The following SLC8A1 variants were observed in gnomAD, a reference collection of about 807,000 sequenced individuals.
SLC8A1 encodes sodium/calcium exchanger 1.
In SLC8A1, 18 loss-of-function variants were observed where a neutral mutation model predicts 68.3. That is an observed-to-expected ratio of 0.26 (90% confidence interval 0.18 to 0.39). The LOEUF (loss-of-function observed/expected upper bound fraction) is 0.39, where lower values mean the gene tolerates loss of function less well. Ranked by LOEUF, SLC8A1 falls within the 10% of genes least tolerant of loss-of-function variation. The pLI is 1.00. For missense variants in SLC8A1, 985 were observed against 1,156.7 expected (o/e 0.85, Z 2.15); for synonymous variants, 475 against 415.5 (o/e 1.14, Z -1.74).
At chr2:40,466,942 AAATT>A (rs1703708718) in intron 1 of SLC8A1, among the ~76,000 whole-genome samples, 1 of 149,302 alleles carries the variant, frequency 6.7e-6, no homozygotes, top group Admixed American at 6.9e-5. Flanking sequence ...TGAGATTAGT[AAATT>A]AAATACCTTA....
At chr2:40,327,492 T>C (rs34512805) in intron 2 of SLC8A1, among the ~76,000 whole-genome samples, 1 of 152,200 alleles carries the variant, frequency 6.6e-6, no homozygotes, top group African/African-American at 2.4e-5. Flanking sequence ...GTTGTGAGCA[T>C]GTTCTTTCTG....
chr2:40,270,716 G>T (rs1261170117), intron 2 of SLC8A1, among the ~76,000 whole-genome samples: 1 of 152,242 alleles, frequency 6.6e-6, no homozygotes, highest in African/African-American at 2.4e-5. Flanking sequence ...CAAGTCAGGT[G>T]ACAGATACAC....
At chr2:40,273,585 G>A (rs919571711) in intron 2 of SLC8A1, among the ~76,000 whole-genome samples, 2 of 152,160 alleles carry the variant, frequency 1.3e-5, no homozygotes, top group Admixed American at 6.5e-5. Flanking sequence ...TACTTTATAG[G>A]ATGTCCAAGA....
At chr2:40,342,459 G>A (rs1166654787) in intron 2 of SLC8A1, among the ~76,000 whole-genome samples, 2 of 152,086 alleles carry the variant, frequency 1.3e-5, no homozygotes, top group Admixed American at 6.6e-5. Context: ...TTGTTAGATG[G>A]TAGAATATAT....
chr2:40,432,331 C>A (rs1489777022), intron 1 of SLC8A1, among the ~76,000 whole-genome samples: 1 of 150,412 alleles, frequency 6.6e-6, no homozygotes, highest in Non-Finnish European at 1.5e-5. Flanking sequence ...ATATAAATAT[C>A]AGAAGGTTAA....
intron 1 of SLC8A1, among the ~76,000 whole-genome samples, chr2:40,459,874 C>A (rs900688100): frequency 6.6e-6 from 1 of 152,208 alleles, no homozygotes; most frequent in Admixed American, 6.5e-5. Context: ...CACACACACA[C>A]TCTTCCACAA....
chr2:40,288,849 A>ATATATATATATATG (rs1553476848), intron 2 of SLC8A1, among the ~76,000 whole-genome samples: 1 of 138,760 alleles, frequency 7.2e-6, no homozygotes, highest in African/African-American at 2.9e-5. Flanking sequence ...ATATATATAT[A>ATATATATATATATG]TATGTATATA....
intron 2 of SLC8A1, among the ~76,000 whole-genome samples, chr2:40,256,416 C>T (rs887881054): frequency 1.3e-5 from 2 of 152,132 alleles, no homozygotes; most frequent in African/African-American, 4.8e-5. Flanking sequence ...TACATATACA[C>T]ATATATGCAT....
chr2:40,455,930 G>A (rs909033675), upstream of SLC8A1, among the ~76,000 whole-genome samples: 5 of 149,912 alleles, frequency 3.3e-5, no homozygotes, highest in Admixed American at 3.3e-4. Flanking sequence ...CATTACCGTG[G>A]GGTCAACCAC....
At chr2:40,350,475 TG>T (rs1417507474) in intron 2 of SLC8A1, among the ~76,000 whole-genome samples, 2 of 151,398 alleles carry the variant, frequency 1.3e-5, no homozygotes, top group East Asian at 3.9e-4. Context: ...AGTTAAACTC[TG>T]TCCCCCTAAA....
chr2:40,447,175 A>G (rs1701599521), intron 1 of SLC8A1, among the ~76,000 whole-genome samples: 1 of 152,234 alleles, frequency 6.6e-6, no homozygotes. Flanking sequence ...TTGGTATCAC[A>G]CTAGCATTTT....
intron 2 of SLC8A1, among the ~76,000 whole-genome samples, chr2:40,358,214 G>C (rs141669588): frequency 2.5e-3 from 386 of 151,560 alleles, no homozygotes; most frequent in African/African-American, 8.8e-3. Context: ...AGCTATTTAA[G>C]GTTTTTAGAT....
chr2:40,131,858 A>ATTTTTT (rs71404277), intron 7 of SLC8A1, among the ~76,000 whole-genome samples: 1 of 95,558 alleles, frequency 1.0e-5, no homozygotes, highest in Non-Finnish European at 2.0e-5. Context: ...TTGGTATTCT[A>ATTTTTT]TTTTTTTTTT....
At chr2:40,134,753 A>G (rs889428546) in intron 7 of SLC8A1, among the ~76,000 whole-genome samples, 2 of 152,212 alleles carry the variant, frequency 1.3e-5, no homozygotes, top group Non-Finnish European at 2.9e-5. Context: ...TTGTACATGT[A>G]TTTACATATA....
intron 6 of SLC8A1, among the ~76,000 whole-genome samples, chr2:40,150,974 A>AAAT (rs1205859005): frequency 6.6e-6 from 1 of 152,100 alleles, no homozygotes; most frequent in Non-Finnish European, 1.5e-5. Context: ...TATCTCCCAT[A>AAAT]AATAGTTTAT....
At chr2:40,297,680 G>C (rs1334803152) in intron 2 of SLC8A1, among the ~76,000 whole-genome samples, 1 of 152,130 alleles carries the variant, frequency 6.6e-6, no homozygotes, top group Admixed American at 6.6e-5. Context: ...TTTTCATCCA[G>C]CTGTTTACCA....
At chr2:40,121,468 C>T (rs1237363637) in intron 7 of SLC8A1, among the ~76,000 whole-genome samples, 3 of 152,146 alleles carry the variant, frequency 2.0e-5, no homozygotes, top group African/African-American at 4.8e-5. Context: ...GGGTAGGCGT[C>T]ACGGAGATGC....
At chr2:40,478,155 T>G (rs1704405961) in intron 1 of SLC8A1, among the ~76,000 whole-genome samples, 1 of 152,194 alleles carries the variant, frequency 6.6e-6, no homozygotes, top group South Asian at 2.1e-4. Context: ...ATGCCTTGGC[T>G]GGGGATGATA....
At chr2:40,454,798 A>G (rs1702905321), upstream of SLC8A1, among the ~76,000 whole-genome samples, 1 of 152,178 alleles carries the variant, frequency 6.6e-6, no homozygotes, top group Admixed American at 6.5e-5. Context: ...TAAATGTCAT[A>G]CATGAGTGAG....
Sources: gnomAD v4.1 joint callset for allele counts (sites outside exome capture counted in the v4.1 genomes callset) on GRCh38, gnomAD v4.1.1 for gene constraint, MANE v1.5 for transcripts, NCBI Gene and HGNC (gene_info 2026-07-23, HGNC 2026-07-21) for gene names.